The following RPS6KB1 variants were observed in gnomAD, a reference collection of about 807,000 sequenced individuals.
RPS6KB1 encodes the protein ribosomal protein S6 kinase beta-1.
Under a neutral mutation model 70.2 loss-of-function variants are expected in RPS6KB1, and 12 were observed. The ratio of observed to expected loss-of-function variants is 0.17; its 90% CI spans 0.11 to 0.28. RPS6KB1 has a LOEUF of 0.28. Among genes scored for constraint, RPS6KB1 ranks in the 10% least tolerant of loss-of-function variants. The probability of loss-of-function intolerance (pLI) is 1.00; values close to 1 mark genes in which losing one functional copy is unlikely to be tolerated. For synonymous variants in RPS6KB1, 175 were observed against 211.2 expected, an observed-to-expected ratio of 0.83 and a Z score of 1.49; for missense variants, 270 against 646.6, an observed-to-expected ratio of 0.42 and a Z score of 6.32.
At chr17:59,912,832 G>C (rs377438075) in intron 3 of RPS6KB1, 28 bp downstream of exon 3, 3 of 1,611,708 alleles carry the variant, frequency 1.9e-6, no homozygotes, top group Non-Finnish European at 2.5e-6. Context: ...AATGAGAGCT[G>C]TTGTCTGTCT....
rs532445498 is a variant in RPS6KB1 at position 59,934,174 on chromosome 17, T to C, written c.693T>C (p.His231=). 1.4e-5 allele frequency: 22 copies of C among 1,584,014 alleles called. No individual in the cohort carries two copies. The East Asian group carries it at 4.0e-4, about 29-fold the overall frequency. Residue 231 remains histidine (H), a synonymous_variant, in exon 8 of 15, where the codon CAT becomes CAC. Transcript: ENST00000225577. This position sits in a 1 kb window ranked among gnomAD's most constrained non-coding sequence, Gnocchi z 4.8. The part of the protein sequence containing the change: ...PENIMLNHQG[H]VKLTDFGLCK... The stretch of plus-strand genomic sequence containing the variant: ...TGCTGTAATCTTTCATTGTAGGTCA[T>C]GTGAAACTAACAGACTTTGGACTAT...
At chr17:59,936,712 G>A (rs570395964) in intron 12 of RPS6KB1, among the ~76,000 whole-genome samples, 171 bp downstream of exon 12, 6 of 152,298 alleles carry the variant, frequency 3.9e-5, no homozygotes, top group South Asian at 2.1e-4. Flanking sequence ...TGGGTGTGGC[G>A]GCTTGTGCCT....
chr17:59,944,620 T>C (rs1019952404), intron 13 of RPS6KB1, among the ~76,000 whole-genome samples: 2 of 152,050 alleles, frequency 1.3e-5, no homozygotes, highest in East Asian at 3.9e-4. Context: ...TGTCCAATCA[T>C]TGGCGTAAAA....
intron 4 of RPS6KB1, among the ~76,000 whole-genome samples, chr17:59,917,838 G>A (rs1340182665): frequency 1.3e-5 from 2 of 152,028 alleles, no homozygotes; most frequent in African/African-American, 4.8e-5. Flanking sequence ...TCTCTTCTTG[G>A]AATTGCAATT....
intron 1 of RPS6KB1, chr17:59,906,972 C>A (rs183848605): frequency 6.6e-6 from 1 of 151,804 alleles, no homozygotes; most frequent in East Asian, 1.9e-4. Context: ...GGATTACAGA[C>A]GTGAGCCGCC....
At chr17:59,901,975 G>A (rs1427335927) in intron 1 of RPS6KB1, among the ~76,000 whole-genome samples, 5 of 135,046 alleles carry the variant, frequency 3.7e-5, no homozygotes, top group Non-Finnish European at 7.6e-5. Flanking sequence ...TCCTGCCACT[G>A]CACTTCAACC....
chr17:59,921,049 G>C (rs542987322), intron 4 of RPS6KB1, among the ~76,000 whole-genome samples: 1 of 152,216 alleles, frequency 6.6e-6, no homozygotes, highest in South Asian at 2.1e-4. Context: ...TATTTATGTC[G>C]GATAATCAGG....
chr17:59,894,275 T>C (rs973523421), intron 1 of RPS6KB1, among the ~76,000 whole-genome samples: 1 of 152,148 alleles, frequency 6.6e-6, no homozygotes. Flanking sequence ...ACTTTTTTTT[T>C]CCCTAGATAA....
At chr17:59,900,184 A>ACG (rs2041830499) in intron 1 of RPS6KB1, among the ~76,000 whole-genome samples, 2 of 97,190 alleles carry the variant, frequency 2.1e-5, no homozygotes, top group Non-Finnish European at 3.9e-5. Context: ...ACACACACAC[A>ACG]CACACACACA....
rs1433245513 is a variant in RPS6KB1 at position 59,920,754 on chromosome 17, A to G, written c.382-5681A>G. ...CACTACATCACCCAGGCTGGAGTGC[A>G]GTGGAGCGTTCTCAGCTCACTGCAA... On this transcript the variant is annotated intron_variant, in intron 4 of 14. Transcript: ENST00000225577. 2.0e-5 allele frequency among the ~76,000 whole-genome samples: 3 copies of G among 152,216 alleles called. No individual in the cohort carries two copies. In the East Asian group the frequency reaches 5.8e-4, roughly 29 times the overall value.
chr17:59,915,775 C>CTTTTTTTCTTT (rs2042912456), intron 4 of RPS6KB1, among the ~76,000 whole-genome samples: 1 of 77,922 alleles, frequency 1.3e-5, no homozygotes, highest in African/African-American at 6.4e-5. Flanking sequence ...CTACTGCTAT[C>CTTTTTTTCTTT]TTTTTTTTTT....
chr17:59,914,498 G>T, intron 3 of RPS6KB1, 137 bp from the exon 4 acceptor site: 1 of 712,326 alleles, frequency 1.4e-6, no homozygotes, highest in South Asian at 1.6e-5. Flanking sequence ...AATGTGGTCT[G>T]TTCTTTTAGC....
At position 59,939,529 on chromosome 17, in the gene RPS6KB1, G is replaced by A. The variant is rs183076404; in HGVS notation, c.1120-1307G>A. ...TCCTGAGCTCAAAAGCAATCCACCT[G>A]CCTCTGCCTCCCAAAGTGTTGGGAT... On this transcript the variant is annotated intron_variant, in intron 12 of 14. Transcript: ENST00000225577. Among the ~76,000 whole-genome samples the A allele has an allele frequency of 6.0e-3, 909 of 152,220 alleles. 11 individuals carry two copies. The highest frequency in any genetic ancestry group is 0.021 in the African/African-American group (865 of 41,548).
intron 4 of RPS6KB1, among the ~76,000 whole-genome samples, chr17:59,922,925 G>A (rs988835424): frequency 4.7e-5 from 7 of 149,462 alleles, no homozygotes; most frequent in African/African-American, 9.9e-5. Context: ...GGAGTGCAAC[G>A]ATGTGGTCTT....
chr17:59,924,285 T>C (rs541799651), intron 4 of RPS6KB1, among the ~76,000 whole-genome samples: 119 of 152,162 alleles, frequency 7.8e-4, no homozygotes, highest in Middle Eastern at 3.4e-3. Flanking sequence ...GCTGAGACCA[T>C]GCCACTGCAC....
In RPS6KB1 at chr17:59,940,972, G is replaced by A. The variant is rs1209303071; in HGVS notation, c.1227+29G>A. ...AGTGAAAGAATTTCCATGTAGTCAT[G>A]GGAAATTTTAGTGTGAGGATGGGCT... On this transcript the variant is annotated intron_variant, in intron 13 of 14. Transcript: ENST00000225577. 3.4e-6 allele frequency: 5 copies of A among 1,463,736 alleles called. No individual in the cohort carries two copies. The African/African-American group carries it at 5.6e-5, about 16-fold the overall frequency. The allele number at this position is 1,463,736 out of a possible 1,614,324, so 90.7% of individuals were successfully genotyped here. A position where few individuals can be genotyped will look rare whatever the true frequency, so the allele number is the denominator to read the frequency against.
At chr17:59,895,736 G>A (rs1221722712) in intron 1 of RPS6KB1, among the ~76,000 whole-genome samples, 2 of 151,988 alleles carry the variant, frequency 1.3e-5, no homozygotes, top group African/African-American at 2.4e-5. Context: ...GAGCTCAAGC[G>A]ATTCTCGTGC....
At chr17:59,917,735 C>G (rs548684293) in intron 4 of RPS6KB1, among the ~76,000 whole-genome samples, 1 of 152,236 alleles carries the variant, frequency 6.6e-6, no homozygotes, top group South Asian at 2.1e-4. Flanking sequence ...CTGTGCCCAG[C>G]CTATTTTTAT....
intron 11 of RPS6KB1, 53 bp from the exon 12 acceptor site, chr17:59,936,407 TATCA>T (rs1370183179): frequency 6.4e-7 from 1 of 1,555,082 alleles, no homozygotes; most frequent in African/African-American, 1.4e-5. Context: ...GTGATTAATT[TATCA>T]ATCCAGCAAA....
Sources: allele counts gnomAD v4.1 joint callset (sites outside exome capture counted in the v4.1 genomes callset), GRCh38; gene constraint gnomAD v4.1.1; non-coding constraint Gnocchi (gnomAD v3.1); transcripts MANE v1.5; gene names NCBI Gene and HGNC (gene_info 2026-07-23, HGNC 2026-07-21).